Variants in IQCH observed in about 807,000 individuals in gnomAD.
IQCH encodes the protein IQ domain-containing protein H.
IQCH carries 98 observed loss-of-function variants against 117.0 expected under a neutral mutation model. That is an observed-to-expected ratio of 0.84 (90% CI 0.71 to 0.99). IQCH has a LOEUF of 0.99. Ranked by LOEUF, IQCH falls within the 50% of genes least tolerant of loss-of-function variation. The pLI, the probability that IQCH is intolerant of heterozygous loss-of-function variation, is 0.00. For missense variants in IQCH, 1,102 were observed against 1,243.8 expected (o/e 0.89, Z 1.72); for synonymous variants, 412 against 448.2 (o/e 0.92, Z 1.02).
intron 4 of IQCH, chr15:67,306,990 G>C (rs774016835): frequency 6.8e-5 from 93 of 1,362,292 alleles, no homozygotes; most frequent in Middle Eastern, 1.9e-4. Context: ...TTCTTAAAAG[G>C]CTTGAAACAT....
chr15:67,289,418 A>G (rs1682731401), intron 4 of IQCH, among the ~76,000 whole-genome samples: 1 of 152,092 alleles, frequency 6.6e-6, no homozygotes, highest in Admixed American at 6.6e-5. Context: ...AGTGATTAGT[A>G]GTAGAACTAA....
At chr15:67,442,209 G>C (rs1285595750) in intron 16 of IQCH, among the ~76,000 whole-genome samples, 8 of 152,024 alleles carry the variant, frequency 5.3e-5, no homozygotes, top group Non-Finnish European at 1.5e-5. Context: ...TCAGGAGTTG[G>C]AGACCAGCCT....
chr15:67,494,707 T>C lies in IQCH; in HGVS notation c.2970+341T>C, dbSNP rs1254260892. Among the ~76,000 whole-genome samples, 1 of 152,234 alleles carries C rather than the reference T, an allele frequency of 6.6e-6. No individual in the cohort carries two copies. Among genetic ancestry groups the C allele is most frequent in the Non-Finnish European group, 1.5e-5 (1 of 68,038 alleles). On this transcript the variant is annotated intron_variant, in intron 20 of 20. Transcript: ENST00000335894. This position sits in a 1 kb window ranked among gnomAD's most constrained non-coding sequence, Gnocchi z 5.5. ...ACAACCAAAAATTGCGAATGTTATC[T>C]ATCTATATTCCAGATAATACAAGGT...
At chr15:67,350,519 C>T (rs529136004) in intron 6 of IQCH, among the ~76,000 whole-genome samples, 5 of 151,944 alleles carry the variant, frequency 3.3e-5, no homozygotes, top group African/African-American at 1.2e-4. Context: ...CTCCGCCTCC[C>T]AGGTTCAAGC....
chr15:67,283,941 T>C (rs1966464169), intron 4 of IQCH, among the ~76,000 whole-genome samples: 1 of 152,158 alleles, frequency 6.6e-6, no homozygotes, highest in Non-Finnish European at 1.5e-5. Flanking sequence ...TACATATGTA[T>C]GGGGTACATG....
At chr15:67,290,062 A>G (rs1966700612) in intron 4 of IQCH, among the ~76,000 whole-genome samples, 2 of 152,092 alleles carry the variant, frequency 1.3e-5, no homozygotes, top group Admixed American at 1.3e-4. Flanking sequence ...GACTGGTAAT[A>G]TAATTCTGGG....
intron 4 of IQCH, among the ~76,000 whole-genome samples, chr15:67,281,142 C>T (rs1230448097): frequency 6.6e-6 from 1 of 152,092 alleles, no homozygotes; most frequent in Non-Finnish European, 1.5e-5. Context: ...CCGCGCGTGG[C>T]CAGTTGTATG....
Position 67,453,779 on chromosome 15 carries a change from G to A in IQCH, c.2506-11348G>A, listed in dbSNP as rs1274103623. Among the ~76,000 whole-genome samples, 1 of 152,216 alleles carries A rather than the reference G, an allele frequency of 6.6e-6. No individual in the cohort carries two copies. Among genetic ancestry groups the A allele is most frequent in the Non-Finnish European group, 1.5e-5 (1 of 68,038 alleles). On this transcript the variant is annotated intron_variant, in intron 16 of 20. Coordinates refer to ENST00000335894, the MANE Select transcript of IQCH (RefSeq NM_001031715.3). The surrounding 1 kb of genome is among the most constrained non-coding windows in gnomAD (Gnocchi z 5.8). ...AGAGAGGGACATTTAAGTCTGCAGA[G>A]GTTACTGCTGTCTTTTTGTTTGTCT...
At chr15:67,451,213 C>T (rs1420515099) in intron 16 of IQCH, among the ~76,000 whole-genome samples, 1 of 152,172 alleles carries the variant, frequency 6.6e-6, no homozygotes, top group African/African-American at 2.4e-5. Flanking sequence ...TTTCTTGTGT[C>T]TCTATTTCCT....
intron 4 of IQCH, chr15:67,304,328 C>T: frequency 7.0e-7 from 1 of 1,421,172 alleles, no homozygotes; most frequent in South Asian, 1.3e-5. Context: ...TTCATTGTTT[C>T]TTTGTTTCAG....
chr15:67,430,072 C>T lies in IQCH; in HGVS notation c.2505+8495C>T, dbSNP rs2081987606. Among the ~76,000 whole-genome samples the T allele has an allele frequency of 6.6e-6, 1 of 152,098 alleles. No homozygotes were observed. Among genetic ancestry groups the T allele is most frequent in the African/African-American group, 2.4e-5 (1 of 41,408 alleles). On this transcript the variant is annotated intron_variant, in intron 16 of 20. Coordinates refer to ENST00000335894, the MANE Select transcript of IQCH (RefSeq NM_001031715.3). The surrounding 1 kb of genome is among the most constrained non-coding windows in gnomAD (Gnocchi z 5.1). ...TGGATTTAGGTCCAGGATTTTGGTACCCTAGAAATGGGGAAATTCTAGGCC... is the reference window on the plus strand; with the variant it reads ...TGGATTTAGGTCCAGGATTTTGGTATCCTAGAAATGGGGAAATTCTAGGCC...
At chr15:67,263,900 C>T (rs1177567974) in intron 3 of IQCH, among the ~76,000 whole-genome samples, 1 of 152,150 alleles carries the variant, frequency 6.6e-6, no homozygotes, top group Non-Finnish European at 1.5e-5. Context: ...TACACACAGG[C>T]CTCCTGAATT....
At chr15:67,442,652 C>T (rs899759102) in intron 16 of IQCH, among the ~76,000 whole-genome samples, 11 of 152,092 alleles carry the variant, frequency 7.2e-5, no homozygotes, top group South Asian at 4.2e-4. Flanking sequence ...GTAGAACTAC[C>T]ATTTGATCCA....
At position 67,501,466 on chromosome 15, in the gene IQCH, C is replaced by G. The variant is rs2083978010; in HGVS notation, c.*720C>G. 6.6e-6 allele frequency: 1 copy of G among 152,164 alleles called. No individual in the cohort carries two copies. The highest frequency in any genetic ancestry group is 2.4e-5 in the African/African-American group (1 of 41,426). The allele number at this position is 152,164 out of a possible 1,614,324, so 9.4% of individuals were successfully genotyped here. A position where few individuals can be genotyped will look rare whatever the true frequency, so the allele number is the denominator to read the frequency against. On this transcript the variant is annotated 3_prime_UTR_variant, in exon 21 of 21. Transcript: ENST00000335894. The surrounding 1 kb of genome is among the most constrained non-coding windows in gnomAD (Gnocchi z 5.2). Reference sequence around the variant, plus strand: ...GTATTCTCTAGTTCTCCATTTAATACAGCAGTAGGATTTTTTCAAGTTTAG... The same window carrying G: ...GTATTCTCTAGTTCTCCATTTAATAGAGCAGTAGGATTTTTTCAAGTTTAG...
intron 18 of IQCH, among the ~76,000 whole-genome samples, chr15:67,486,044 T>TTC (rs1555513870): frequency 6.9e-6 from 1 of 145,712 alleles, no homozygotes; most frequent in East Asian, 2.0e-4. Flanking sequence ...TTTTCTTTTT[T>TTC]TTTTTTTTTT....
intron 4 of IQCH, chr15:67,281,700 A>G (rs185184301): frequency 4.9e-4 from 223 of 454,322 alleles, no homozygotes; most frequent in African/African-American, 3.8e-3. Context: ...ATTTCCCCAC[A>G]AAAGACAGCT....
rs988861877 is a variant in IQCH, at chr15:67,388,764, G to A, written c.1457-67G>A. The A allele has an allele frequency of 2.1e-5, 28 of 1,329,940 alleles. No homozygotes were observed. The highest frequency in any genetic ancestry group is 1.2e-4 in the African/African-American group (8 of 68,956). 82.4% of individuals were successfully genotyped at this position (1,329,940 alleles called of 1,614,324 possible). A position where few individuals can be genotyped will look rare whatever the true frequency, so the allele number is the denominator to read the frequency against. On this transcript the variant is annotated intron_variant, in intron 11 of 20. Transcript: ENST00000335894. The surrounding 1 kb of genome is among the most constrained non-coding windows in gnomAD (Gnocchi z 5.5). The stretch of plus-strand genomic sequence containing the variant: ...TATTTTAAACTGCACAACACCAATC[G>A]GATGCCAGAGTTCATAATGTCATTT...
intron 4 of IQCH, among the ~76,000 whole-genome samples, chr15:67,292,618 A>G (rs1442111658): frequency 1.3e-5 from 2 of 152,004 alleles, no homozygotes; most frequent in African/African-American, 4.8e-5. Context: ...CTTCTCCATC[A>G]CTTAGATTGA....
At chr15:67,286,493 C>G (rs768117122) in intron 4 of IQCH, among the ~76,000 whole-genome samples, 3 of 152,122 alleles carry the variant, frequency 2.0e-5, no homozygotes, top group Non-Finnish European at 2.9e-5. Flanking sequence ...TGAAAGTGGG[C>G]GTCCTTGTCA....
Sources: gnomAD v4.1 joint callset for allele counts (sites outside exome capture counted in the v4.1 genomes callset) on GRCh38, gnomAD v4.1.1 for gene constraint, Gnocchi (gnomAD v3.1) non-coding constraint, MANE v1.5 for transcripts, NCBI Gene and HGNC (gene_info 2026-07-23, HGNC 2026-07-21) for gene names.